HMCN2: variants seen among roughly 807,000 people sequenced by gnomAD.
The protein encoded by HMCN2 is hemicentin-2.
HMCN2 carries 325 observed loss-of-function variants against 377.5 expected under a neutral mutation model. That is an observed-to-expected ratio of 0.86 (90% CI 0.79 to 0.94). The LOEUF is 0.94. Among genes scored for constraint, HMCN2 ranks in the 40% least tolerant of loss-of-function variants. The pLI is 0.00. For synonymous variants in HMCN2, 2,007 were observed against 2,046.8 expected (o/e 0.98, Z 0.53); for missense variants, 4,543 against 4,725.3 (o/e 0.96, Z 1.13).
At chr9:130,349,231 G>C (rs1839562822) in intron 28 of HMCN2, 100 bp downstream of exon 28, 1 of 1,173,180 alleles carries the variant, frequency 8.5e-7, no homozygotes, top group Non-Finnish European at 1.1e-6. Context: ...TGCCTGCGGA[G>C]AGCAGGGGGC....
At chr9:130,272,919 A>G (rs1325075953) in intron 1 of HMCN2, among the ~76,000 whole-genome samples, 1 of 152,196 alleles carries the variant, frequency 6.6e-6, no homozygotes, top group Non-Finnish European at 1.5e-5. Context: ...TTTATCTTTT[A>G]GATGACATGT....
rs143195560 is a variant in HMCN2 at position 130,385,728 on chromosome 9, G to A, written c.9275G>A (p.Arg3092Gln). 990 of 1,304,106 alleles carry A rather than the reference G, an allele frequency of 7.6e-4. 2 individuals carry two copies. The highest frequency in any genetic ancestry group is 8.6e-4 in the Non-Finnish European group (849 of 988,900). The allele number at this position is 1,304,106 out of a possible 1,614,324, so 80.8% of individuals were successfully genotyped here. A position where few individuals can be genotyped will look rare whatever the true frequency, so the allele number is the denominator to read the frequency against. Residue 3092 changes from arginine (R) to glutamine (Q), a missense_variant, in exon 60 of 98, where the codon CGG becomes CAG. This residue lies in a region of HMCN2 where 736 missense variants were observed against 773.2 expected (regional missense o/e 0.95). Coordinates refer to ENST00000683500, the MANE Select transcript of HMCN2 (RefSeq NM_001291815.2). ...LVLAQRTQALRGGQRLEIQEA... is the reference protein window; with the variant it reads ...LVLAQRTQALQGGQRLEIQEA... ...CTGGCACAGCGGACCCAGGCTCTGC[G>A]GGGTGGGCAGAGGCTGGAGATCCAG...
chr9:130,349,416 C>T, intron 28 of HMCN2, 121 bp from the exon 29 acceptor site: 1 of 1,149,440 alleles, frequency 8.7e-7, no homozygotes, highest in Non-Finnish European at 1.1e-6. Flanking sequence ...GGGGGGCTTC[C>T]CAGGAAGGTC....
rs1444026890 is a variant in HMCN2, at chr9:130,431,409, G to A, written c.14690G>A (p.Cys4897Tyr). The stretch of plus-strand genomic sequence containing the variant: ...GTGAGGAACCTGTGTCAGCACGCCT[G>A]CCGCAACACTGAGGGCAGCTACCAG... ...CRVRNLCQHA[C>Y]RNTEGSYQCL... Residue 4897 changes from cysteine (C) to tyrosine (Y), a missense_variant, in exon 96 of 98, where the codon TGC becomes TAC. Transcript: ENST00000683500. 1 of 1,550,238 alleles carries A rather than the reference G, an allele frequency of 6.5e-7. No homozygotes were observed. Among genetic ancestry groups the A allele is most frequent in the African/African-American group, 1.4e-5 (1 of 73,164 alleles).
chr9:130,350,734 AAT>A (rs1554950925), intron 29 of HMCN2, among the ~76,000 whole-genome samples: 8 of 148,420 alleles, frequency 5.4e-5, no homozygotes, highest in African/African-American at 4.9e-5. Flanking sequence ...AAAATACAAA[AAT>A]ATATATATAT....
At position 130,287,528 on chromosome 9, in the gene HMCN2, G is replaced by T. The variant is rs1180341259; in HGVS notation, c.612+1218G>T. 2.8e-5 allele frequency among the ~76,000 whole-genome samples: 4 copies of T among 143,296 alleles called. No homozygotes were observed. The Admixed American group carries it at 2.9e-4, about 10-fold the overall frequency. The allele number at this position is 143,296 out of a possible 152,430, so 94.0% of individuals were successfully genotyped here. The stretch of plus-strand genomic sequence containing the variant: ...ATCGTGCCATTGCACTCCAGCCTGG[G>T]CAACAAGAGTGAAACTCTGTCTTAA... On this transcript the variant is annotated intron_variant, in intron 4 of 97. Transcript: ENST00000683500.
At chr9:130,364,549 G>A (rs564904355) in intron 40 of HMCN2, among the ~76,000 whole-genome samples, 165 bp from the exon 41 acceptor site, 40 of 152,332 alleles carry the variant, frequency 2.6e-4, no homozygotes, top group East Asian at 9.6e-4. Flanking sequence ...TGTGGATATC[G>A]TGACAATTTT....
rs1277002404 is a variant in HMCN2, at chr9:130,396,172, T to C, written c.11057T>C (p.Val3686Ala). 1 of 1,261,584 alleles carries C rather than the reference T, an allele frequency of 7.9e-7. No homozygotes were observed. The highest frequency in any genetic ancestry group is 1.3e-5 in the South Asian group (1 of 79,656). 78.1% of individuals were successfully genotyped at this position (1,261,584 alleles called of 1,614,324 possible). A position where few individuals can be genotyped will look rare whatever the true frequency, so the allele number is the denominator to read the frequency against. ...CTCCCTCTGTGCCCCTCCCCAGCGG[T>C]GCCCACCATCCGGTCAGGACCACCT... is the stretch of plus-strand genomic sequence containing the variant. ...SVAFRVEIHT[V>A]PTIRSGPPAV... is the part of the protein sequence containing the mutation. Residue 3686 changes from valine to alanine, a missense_variant, in exon 73 of 98, where the codon GTG (valine) becomes GCG (alanine). Val to Ala is a moderately conservative substitution (Grantham distance 64, BLOSUM62 0). Around this residue, in one of 5 missense-constraint regions of HMCN2, gnomAD observed 1,073 missense variants for 1,319.5 expected, o/e 0.81. Transcript: ENST00000683500.
At chr9:130,320,619 C>T (rs1340983145) in intron 17 of HMCN2, among the ~76,000 whole-genome samples, 157 bp from the exon 18 acceptor site, 1 of 152,228 alleles carries the variant, frequency 6.6e-6, no homozygotes, top group Non-Finnish European at 1.5e-5. Context: ...GCCCCTGCGT[C>T]CTGGACAATG....
chr9:130,372,690 C>T (rs1312165171), intron 47 of HMCN2, among the ~76,000 whole-genome samples: 1 of 152,196 alleles, frequency 6.6e-6, no homozygotes, highest in Non-Finnish European at 1.5e-5. Context: ...CTGCAGTGAT[C>T]GTGCCACTGC....
chr9:130,301,787 G>A (rs1260949365), intron 8 of HMCN2, among the ~76,000 whole-genome samples: 1 of 152,248 alleles, frequency 6.6e-6, no homozygotes. Context: ...GGGATGGGGA[G>A]ACGGTGACAC....
intron 56 of HMCN2, among the ~76,000 whole-genome samples, chr9:130,383,269 G>GT (rs1480295661): frequency 3.9e-5 from 6 of 151,960 alleles, no homozygotes; most frequent in Non-Finnish European, 7.4e-5. Context: ...CACAGGGGTG[G>GT]GGGAGGCTCT....
chr9:130,404,047 C>A (rs750697964), intron 80 of HMCN2, among the ~76,000 whole-genome samples, 172 bp downstream of exon 80: 1 of 152,226 alleles, frequency 6.6e-6, no homozygotes, highest in Non-Finnish European at 1.5e-5. Context: ...CATAAATTCC[C>A]ATCCCCTCTG....
intron 29 of HMCN2, among the ~76,000 whole-genome samples, chr9:130,350,683 G>A (rs558465540): frequency 4.0e-5 from 6 of 151,784 alleles, no homozygotes; most frequent in Admixed American, 1.3e-4. Context: ...TCAGGAGATC[G>A]AGACCATCCT....
rs745425864 is a variant in HMCN2, at chr9:130,376,654, G to C, written c.8057G>C (p.Gly2686Ala). Residue 2686 changes from glycine to alanine, a missense_variant, in exon 52 of 98, where the codon GGA becomes GCA. Gly to Ala is a moderately conservative substitution (Grantham distance 60). Coordinates refer to ENST00000683500, the MANE Select transcript of HMCN2 (RefSeq NM_001291815.2). ...CCCACCATCCGCTGGTACAAGGATGGACAGGTGAGTTTGGGACCCCCTGCG... is the reference window on the plus strand; with the variant it reads ...CCCACCATCCGCTGGTACAAGGATGCACAGGTGAGTTTGGGACCCCCTGCG... Reference protein sequence around the residue: ...PPPTIRWYKDGQPVTPSSRLQ... With the variant: ...PPPTIRWYKDAQPVTPSSRLQ... The C allele has an allele frequency of 1.0e-5, 10 of 985,912 alleles. No homozygotes were observed. Among genetic ancestry groups the C allele is most frequent in the Non-Finnish European group, 1.2e-5 (10 of 830,022 alleles). The allele number at this position is 985,912 out of a possible 1,614,324, so 61.1% of individuals were successfully genotyped here.
chr9:130,428,493 A>G lies in HMCN2; in HGVS notation c.14197+4A>G, dbSNP rs902356923. 1.3e-6 allele frequency: 2 copies of G among 1,538,946 alleles called. No individual in the cohort carries two copies. Among genetic ancestry groups the G allele is most frequent in the African/African-American group, 2.7e-5 (2 of 72,994 alleles). ...GCTGATGGGGCCGGCTGTGAAGGTGATGGGGGCACAGCATGCGGCCTGTCC... is the reference window on the plus strand; with the variant it reads ...GCTGATGGGGCCGGCTGTGAAGGTGGTGGGGGCACAGCATGCGGCCTGTCC... On this transcript the variant is annotated splice_donor_region_variant and intron_variant, in intron 93 of 97. Transcript: ENST00000683500. This position sits in a 1 kb window ranked among gnomAD's most constrained non-coding sequence, Gnocchi z 5.0.
Position 130,425,029 on chromosome 9 carries a change from C to T in HMCN2, c.13540C>T (p.Gln4514Ter). 2.6e-6 allele frequency: 4 copies of T among 1,548,840 alleles called. No homozygotes were observed. Among genetic ancestry groups the T allele is most frequent in the Non-Finnish European group, 3.5e-6 (4 of 1,146,050 alleles). ...FATGELLTMT[Q>*]VARGLDPDGL... The stretch of plus-strand genomic sequence containing the variant: ...TGCAGGGGAGCTGCTCACGATGACC[C>T]AGGTGGCCCGGGGTCTGGATCCCGA... The change falls in exon 89 of 98, where the codon CAG becomes TAG. Residue 4514 changes from glutamine (Q) to a stop codon, truncating the protein, a stop_gained. Transcript: ENST00000683500. LOFTEE classifies it high-confidence loss of function.
At chr9:130,385,129 G>A (rs189799337) in intron 59 of HMCN2, among the ~76,000 whole-genome samples, 96 of 152,288 alleles carry the variant, frequency 6.3e-4, no homozygotes, top group African/African-American at 2.2e-3. Flanking sequence ...TTCTAGCCCC[G>A]GGGCTGGTCC....
chr9:130,351,512 G>A lies in HMCN2; in HGVS notation c.4520G>A (p.Arg1507Gln), dbSNP rs932046917. 8 of 1,304,164 alleles carry A rather than the reference G, an allele frequency of 6.1e-6. No homozygotes were observed. Among genetic ancestry groups the A allele is most frequent in the African/African-American group, 4.6e-5 (3 of 65,864 alleles). 80.8% of individuals were successfully genotyped at this position (1,304,164 alleles called of 1,614,324 possible). Residue 1507 changes from arginine (R) to glutamine (Q), a missense_variant, in exon 30 of 98, where the codon CGA (arginine) becomes CAA (glutamine). Arg to Gln is a conservative substitution (Grantham distance 43). Coordinates refer to ENST00000683500, the MANE Select transcript of HMCN2 (RefSeq NM_001291815.2). This position sits in a 1 kb window ranked among gnomAD's most constrained non-coding sequence, Gnocchi z 5.4. ...ITGSHVGDEG[R>Q]YQCVAFSPAG... ...GGCAGTCACGTGGGGGATGAGGGAC[G>A]ATACCAGTGCGTGGCCTTCAGCCCA...
Sources: allele counts gnomAD v4.1 joint callset (sites outside exome capture counted in the v4.1 genomes callset), GRCh38; gene constraint gnomAD v4.1.1; regional missense constraint gnomAD v4.1.1; non-coding constraint Gnocchi (gnomAD v3.1); transcripts MANE v1.5; gene names NCBI Gene and HGNC (gene_info 2026-07-23, HGNC 2026-07-21).